The following AMOT variants were observed in gnomAD, a reference collection of about 807,000 sequenced individuals.
AMOT encodes the protein angiomotin.
Under a neutral mutation model 67.0 loss-of-function variants are expected in AMOT, and 11 were observed. The ratio of observed to expected loss-of-function variants is 0.16; its 90% CI spans 0.10 to 0.27. AMOT has a LOEUF of 0.27. AMOT is among the 10% of genes least tolerant of loss of function. The pLI, the probability that AMOT is intolerant of heterozygous loss-of-function variation, is 1.00. For missense variants in AMOT, 753 were observed against 852.0 expected, an observed-to-expected ratio of 0.88 and a Z score of 1.45; for synonymous variants, 326 against 321.4, an observed-to-expected ratio of 1.01 and a Z score of -0.15.
chrX:112,833,681 C>T (rs1175302885), intron 1 of AMOT, among the ~76,000 whole-genome samples: 2 of 111,947 alleles, frequency 1.8e-5, no homozygotes, highest in Non-Finnish European at 3.8e-5. Context: ...ACGGGAAATT[C>T]AAATAAGCTT....
intron 1 of AMOT, among the ~76,000 whole-genome samples, chrX:112,838,285 T>C (rs1035933592): frequency 1.8e-5 from 2 of 111,547 alleles, no homozygotes; most frequent in South Asian, 7.6e-4. Flanking sequence ...AAACCCCTCT[T>C]GTCTCCAAAT....
intron 8 of AMOT, among the ~76,000 whole-genome samples, chrX:112,799,276 T>C (rs775785866): frequency 1.8e-5 from 2 of 112,353 alleles, no homozygotes; most frequent in Non-Finnish European, 3.8e-5. Flanking sequence ...TCTGTAAATA[T>C]TTTTAATGTT....
chrX:112,793,272 CA>C (rs1265868916), intron 8 of AMOT, among the ~76,000 whole-genome samples: 12 of 111,200 alleles, frequency 1.1e-4, no homozygotes, highest in Non-Finnish European at 1.9e-4. Context: ...ATAATCTAGT[CA>C]AAAAGAAATT....
intron 4 of AMOT, among the ~76,000 whole-genome samples, chrX:112,817,229 C>A (rs1934592484): frequency 1.8e-5 from 2 of 112,048 alleles, no homozygotes; most frequent in African/African-American, 6.5e-5. Flanking sequence ...TGCATGAGCC[C>A]ATTTTATTCT....
At chrX:112,813,256 A>G (rs995123876) in intron 5 of AMOT, among the ~76,000 whole-genome samples, 1 of 111,481 alleles carries the variant, frequency 9.0e-6, no homozygotes, top group African/African-American at 3.3e-5. Flanking sequence ...CAAGTCCCAC[A>G]GCTCTCAATA....
chrX:112,829,615 A>G (rs1934936096), intron 2 of AMOT, among the ~76,000 whole-genome samples: 2 of 112,534 alleles, frequency 1.8e-5, no homozygotes, highest in East Asian at 2.8e-4. Context: ...CTATTAGATT[A>G]GGTTGAAAAA....
At chrX:112,808,332 G>A (rs955522400) in intron 7 of AMOT, among the ~76,000 whole-genome samples, 1 of 111,641 alleles carries the variant, frequency 9.0e-6, no homozygotes, top group African/African-American at 3.3e-5. Flanking sequence ...TTTACACCCA[G>A]ATTGGTTCTA....
chrX:112,779,096 G>A lies in AMOT; in HGVS notation c.3058C>T (p.Pro1020Ser). 1 of 1,176,718 alleles carries A rather than the reference G, an allele frequency of 8.5e-7. No individual in the cohort carries two copies. Among genetic ancestry groups the A allele is most frequent in the Non-Finnish European group, 1.2e-6 (1 of 863,451 alleles). ...GGAACCTCAGCCTGAGCCACAGCTG[G>A]AGTTGGAGTTGGAGCTGGAGTTGGA... ...VAPTPAPTPT[P>S]AVAQAEVPAS... The change falls in exon 13 of 14, where the codon CCA becomes TCA. Residue 1020 changes from proline (P) to serine (S), a missense_variant. Coordinates refer to ENST00000371959, the MANE Select transcript of AMOT (RefSeq NM_001113490.2).
intron 8 of AMOT, among the ~76,000 whole-genome samples, chrX:112,799,720 G>GT (rs1156622963): frequency 2.7e-5 from 3 of 111,104 alleles, no homozygotes; most frequent in Non-Finnish European, 5.7e-5. Flanking sequence ...GAATTGAAGA[G>GT]TAAAAAAAAC....
intron 10 of AMOT, among the ~76,000 whole-genome samples, chrX:112,786,208 G>A (rs899780829): frequency 8.9e-6 from 1 of 112,131 alleles, no homozygotes; most frequent in African/African-American, 3.2e-5. Context: ...GGAATAGGTA[G>A]ACATGCATTA....
At chrX:112,782,037 C>T (rs949514723) in intron 11 of AMOT, among the ~76,000 whole-genome samples, 4 of 111,070 alleles carry the variant, frequency 3.6e-5, no homozygotes, top group African/African-American at 1.3e-4. Flanking sequence ...TACAGGTGCC[C>T]GCCACCACAC....
At chrX:112,827,816 C>T (rs1168105724) in intron 2 of AMOT, among the ~76,000 whole-genome samples, 1 of 111,567 alleles carries the variant, frequency 9.0e-6, no homozygotes, top group Admixed American at 9.5e-5. Flanking sequence ...ATAAATTTTG[C>T]AATATGCCTA....
chrX:112,831,733 G>A (rs1934993754), intron 2 of AMOT, among the ~76,000 whole-genome samples: 1 of 109,801 alleles, frequency 9.1e-6, no homozygotes, highest in Non-Finnish European at 1.9e-5. Flanking sequence ...GGAGTCATTA[G>A]CATATGGATG....
rs772564386 is a variant in AMOT, at chrX:112,790,687, C to T, written c.2022G>A (p.Leu674=). The T allele has an allele frequency of 8.3e-7, 1 of 1,211,202 alleles. No homozygotes were observed. The highest frequency in any genetic ancestry group is 1.8e-5 in the South Asian group (1 of 56,807). ...LREKEERILA[L]EADMTKWEQK... ...GCTCCCACTTTGTCATATCAGCTTC[C>T]AGAGCCAGAATCCTCTCCTCTTTCT... The change falls in exon 10 of 14, where the codon CTG becomes CTA. Residue 674 remains leucine, a synonymous_variant. Transcript: ENST00000371959.
In AMOT at chrX:112,781,110, G is replaced by A. The variant is rs890348269; in HGVS notation, c.2249C>T (p.Thr750Ile). The A allele has an allele frequency of 5.8e-6, 7 of 1,208,505 alleles. No homozygotes were observed. Among genetic ancestry groups the A allele is most frequent in the African/African-American group, 5.2e-5 (3 of 57,257 alleles). Residue 750 changes from threonine to isoleucine, a missense_variant, in exon 12 of 14, where the codon ACC (threonine) becomes ATC (isoleucine). Thr to Ile is a moderately conservative substitution (Grantham distance 89). Coordinates refer to ENST00000371959, the MANE Select transcript of AMOT (RefSeq NM_001113490.2). The part of the protein sequence containing the change: ...RCLDMEGRIK[T>I]LHAQIIEKDA... The stretch of plus-strand genomic sequence containing the variant: ...CTTCTCAATAATCTGGGCATGGAGG[G>A]TCTTAATCCTAGGAGCCAAAGGCAA...
chrX:112,789,231 A>G (rs1933485956), intron 10 of AMOT, among the ~76,000 whole-genome samples: 1 of 112,056 alleles, frequency 8.9e-6, no homozygotes, highest in Admixed American at 9.5e-5. Flanking sequence ...CAAGTGCTGG[A>G]CACAGGTGTT....
chrX:112,792,042 A>G, intron 8 of AMOT, 61 bp from the exon 9 acceptor site: 5 of 1,153,743 alleles, frequency 4.3e-6, no homozygotes, highest in South Asian at 3.7e-5. Context: ...AACAGGGTCA[A>G]TTATGTATCC....
At chrX:112,817,559 C>A (rs1934601327) in intron 4 of AMOT, among the ~76,000 whole-genome samples, 1 of 111,659 alleles carries the variant, frequency 9.0e-6, no homozygotes, top group African/African-American at 3.3e-5. Context: ...GCTACAAAAT[C>A]ATTCCAAACA....
intron 10 of AMOT, 44 bp downstream of exon 10, chrX:112,790,548 C>A (rs752722244): frequency 1.8e-6 from 2 of 1,110,911 alleles, no homozygotes; most frequent in Admixed American, 5.5e-5. Flanking sequence ...GAATCAGTGA[C>A]CTTTCTGTTC....
Sources: allele counts gnomAD v4.1 joint callset (sites outside exome capture counted in the v4.1 genomes callset), GRCh38; gene constraint gnomAD v4.1.1; transcripts MANE v1.5; gene names NCBI Gene and HGNC (gene_info 2026-07-23, HGNC 2026-07-21).